The following POLR2B variants were observed in gnomAD, a reference collection of about 807,000 sequenced individuals.
POLR2B encodes RNA polymerase II subunit B.
A neutral mutation model predicts 144.6 loss-of-function variants in POLR2B; 57 were observed. That is an observed-to-expected ratio of 0.39 (90% confidence interval 0.32 to 0.49). POLR2B has a LOEUF of 0.49. Among genes scored for constraint, POLR2B ranks in the 20% least tolerant of loss-of-function variants. The pLI, the probability that POLR2B is intolerant of heterozygous loss-of-function variation, is 0.83. For missense variants in POLR2B, 595 were observed against 1,467.4 expected, an observed-to-expected ratio of 0.41 and a Z score of 9.71; for synonymous variants, 442 against 469.8, an observed-to-expected ratio of 0.94 and a Z score of 0.77.
chr4:57,027,301 G>A (rs930832373), intron 23 of POLR2B, among the ~76,000 whole-genome samples: 1 of 151,944 alleles, frequency 6.6e-6, no homozygotes, highest in Non-Finnish European at 1.5e-5. Context: ...GAGCCACCAC[G>A]CCCAGCCCAC....
chr4:56,996,010 A>G (rs886797664), intron 6 of POLR2B, among the ~76,000 whole-genome samples: 1 of 152,106 alleles, frequency 6.6e-6, no homozygotes, highest in Non-Finnish European at 1.5e-5. Context: ...TACAAGGGCA[A>G]TAGTAGGAGG....
At chr4:57,027,632 A>G (rs1232025563) in intron 23 of POLR2B, among the ~76,000 whole-genome samples, 1 of 152,192 alleles carries the variant, frequency 6.6e-6, no homozygotes, top group Non-Finnish European at 1.5e-5. Flanking sequence ...TTTTGATACT[A>G]CACCAAAACG....
intron 7 of POLR2B, among the ~76,000 whole-genome samples, chr4:57,000,422 C>T (rs1722814917): frequency 6.6e-6 from 1 of 152,150 alleles, no homozygotes; most frequent in South Asian, 2.1e-4. Context: ...AGAGTAAGAC[C>T]TTGTCTCAAA....
chr4:56,986,078 G>A (rs1722319682), intron 1 of POLR2B, among the ~76,000 whole-genome samples: 7 of 152,206 alleles, frequency 4.6e-5, no homozygotes, highest in Admixed American at 3.9e-4. Flanking sequence ...TGACTCTAGT[G>A]TCTGAAAATC....
chr4:57,023,467 A>G lies in POLR2B; in HGVS notation c.2653A>G (p.Arg885Gly). The change falls in exon 19 of 25, where the codon AGA (arginine) becomes GGA (glycine). Residue 885 changes from arginine to glycine, a missense_variant. Around this residue, in one of 9 missense-constraint regions of POLR2B, gnomAD observed 75 missense variants for 100.0 expected, o/e 0.75. Transcript: ENST00000314595. This position sits in a 1 kb window ranked among gnomAD's most constrained non-coding sequence, Gnocchi z 4.3. ...ENEDELESTNRRYTKRDCSTF... is the reference protein window; with the variant it reads ...ENEDELESTNGRYTKRDCSTF... Reference sequence around the variant, plus strand: ...TGAAGATGAATTGGAGAGCACCAATAGACGCTATACCAAGAGAGACTGTAG... The same window carrying G: ...TGAAGATGAATTGGAGAGCACCAATGGACGCTATACCAAGAGAGACTGTAG... 1 of 1,614,114 alleles carries G rather than the reference A, an allele frequency of 6.2e-7. No homozygotes were observed. Among genetic ancestry groups the G allele is most frequent in the Non-Finnish European group, 8.5e-7 (1 of 1,179,974 alleles).
chr4:57,001,457 G>A (rs1722852560), intron 7 of POLR2B, among the ~76,000 whole-genome samples: 1 of 152,214 alleles, frequency 6.6e-6, no homozygotes, highest in Non-Finnish European at 1.5e-5. Context: ...CAGCGTGCCT[G>A]GCCTCCTCGG....
chr4:56,986,523 G>GA, intron 2 of POLR2B, 97 bp downstream of exon 2: 1 of 677,234 alleles, frequency 1.5e-6, no homozygotes, highest in Non-Finnish European at 2.6e-6. Flanking sequence ...TATGCTACAT[G>GA]AGAGTAGTTA....
chr4:56,980,575 C>T (rs1274479778), intron 1 of POLR2B, among the ~76,000 whole-genome samples: 2 of 152,054 alleles, frequency 1.3e-5, no homozygotes, highest in African/African-American at 4.8e-5. Context: ...GAAAAATTAG[C>T]TGGGCGTGGT....
intron 10 of POLR2B, among the ~76,000 whole-genome samples, chr4:57,007,340 G>A (rs1316124500): frequency 6.6e-6 from 1 of 152,112 alleles, no homozygotes; most frequent in Non-Finnish European, 1.5e-5. Context: ...GCTTGTACCT[G>A]GGAGGTGGAG....
chr4:56,980,464 G>T (rs534050874), intron 1 of POLR2B, among the ~76,000 whole-genome samples: 2 of 152,280 alleles, frequency 1.3e-5, no homozygotes, highest in South Asian at 4.1e-4. Context: ...GCTCACGCCT[G>T]TTATCCCAGC....
At chr4:56,995,729 T>C (rs1344819608) in intron 6 of POLR2B, among the ~76,000 whole-genome samples, 2 of 152,216 alleles carry the variant, frequency 1.3e-5, no homozygotes, top group East Asian at 1.9e-4. Context: ...TAGTTCTTCA[T>C]TGGCTGTTGG....
In POLR2B at chr4:56,978,994, C is replaced by A; in HGVS notation, c.9C>A (p.Asp3Glu). The A allele has an allele frequency of 6.2e-7, 1 of 1,613,744 alleles. No homozygotes were observed. The highest frequency in any genetic ancestry group is 8.5e-7 in the Non-Finnish European group (1 of 1,179,846). MY[D>E]ADEDMQYDED... is the part of the protein sequence containing the mutation. ...GAGAACCGTTTGGCAATATGTACGA[C>A]GCGGATGAGGGTAGGTGAACGCTCA... The change falls in exon 1 of 25, where the codon GAC becomes GAA. Residue 3 changes from aspartate (D) to glutamate (E), a missense_variant. Around this residue, in one of 9 missense-constraint regions of POLR2B, gnomAD observed 25 missense variants for 26.1 expected, o/e 0.96. Transcript: ENST00000314595.
chr4:56,997,964 A>C (rs1722740210), intron 6 of POLR2B, among the ~76,000 whole-genome samples: 1 of 152,242 alleles, frequency 6.6e-6, no homozygotes, highest in African/African-American at 2.4e-5. Context: ...GCAAAGACAT[A>C]AACAGTATAT....
At chr4:56,999,276 G>C (rs1459027090) in intron 6 of POLR2B, among the ~76,000 whole-genome samples, 2 of 151,002 alleles carry the variant, frequency 1.3e-5, no homozygotes, top group Non-Finnish European at 2.9e-5. Flanking sequence ...TTTTGGAGGG[G>C]GGATAGGTTG....
chr4:57,020,034 T>G (rs1431981357), intron 16 of POLR2B, among the ~76,000 whole-genome samples: 5 of 152,154 alleles, frequency 3.3e-5, no homozygotes, highest in Non-Finnish European at 7.3e-5. Flanking sequence ...AATATCAAGT[T>G]ATTTTATTTT....
intron 16 of POLR2B, among the ~76,000 whole-genome samples, chr4:57,018,391 T>C (rs1723433578): frequency 6.6e-6 from 1 of 152,176 alleles, no homozygotes; most frequent in Non-Finnish European, 1.5e-5. Context: ...ATGGGTAAGA[T>C]ACCTTTTGAA....
chr4:57,018,462 A>AT (rs1297277383), intron 16 of POLR2B, among the ~76,000 whole-genome samples: 2 of 152,150 alleles, frequency 1.3e-5, no homozygotes, highest in African/African-American at 4.8e-5. Context: ...GGAATTGGAA[A>AT]TACTGTTGGT....
chr4:57,009,419 T>G (rs1723122270), intron 10 of POLR2B: 1 of 152,398 alleles, frequency 6.6e-6, no homozygotes, highest in Non-Finnish European at 1.5e-5. Flanking sequence ...AGGACTTTAA[T>G]GTTGTGCTCT....
chr4:57,026,601 T>C (rs1282322935), intron 23 of POLR2B, among the ~76,000 whole-genome samples: 1 of 151,598 alleles, frequency 6.6e-6, no homozygotes, highest in African/African-American at 2.4e-5. Context: ...CGTGTTAACA[T>C]AAATAACATG....
Sources: allele counts gnomAD v4.1 joint callset (sites outside exome capture counted in the v4.1 genomes callset), GRCh38; gene constraint gnomAD v4.1.1; regional missense constraint gnomAD v4.1.1; non-coding constraint Gnocchi (gnomAD v3.1); transcripts MANE v1.5; gene names NCBI Gene and HGNC (gene_info 2026-07-23, HGNC 2026-07-21).